The following RFTN1 variants were observed in gnomAD, a reference collection of about 807,000 sequenced individuals.
RFTN1 encodes raftlin.
RFTN1 carries 26 observed loss-of-function variants against 46.5 expected under a neutral mutation model. The observed-to-expected ratio is 0.56, with a 90% CI of 0.41 to 0.78. The LOEUF is 0.78. Ranked by LOEUF, RFTN1 falls within the 30% of genes least tolerant of loss-of-function variation. The pLI is 0.00. For synonymous variants in RFTN1, 261 were observed against 284.2 expected (o/e 0.92, Z 0.82); for missense variants, 693 against 718.7 (o/e 0.96, Z 0.41).
Position 16,429,177 on chromosome 3 carries a change from T to C in RFTN1, c.332+4674A>G, listed in dbSNP as rs546008691. On this transcript the variant is annotated intron_variant, in intron 3 of 9. Transcript: ENST00000334133. This position sits in a 1 kb window ranked among gnomAD's most constrained non-coding sequence, Gnocchi z 6.4. The stretch of plus-strand genomic sequence containing the variant: ...CTAGGCCTGCCATGGTAAAATGAAA[T>C]GGCAGTTATTAGAATTTTCAGAAGA... 6.6e-6 allele frequency among the ~76,000 whole-genome samples: 1 copy of C among 152,222 alleles called. No individual in the cohort carries two copies. The highest frequency in any genetic ancestry group is 1.5e-5 in the Non-Finnish European group (1 of 68,032).
chr3:16,482,880 C>A, intron 2 of RFTN1: 1 of 1,513,272 alleles, frequency 6.6e-7, no homozygotes, highest in Non-Finnish European at 8.9e-7. Flanking sequence ...AGCCTCCCAC[C>A]GGGGTGAGCT....
intron 2 of RFTN1, among the ~76,000 whole-genome samples, chr3:16,493,356 C>T (rs1418358072): frequency 1.3e-5 from 2 of 152,008 alleles, no homozygotes; most frequent in Non-Finnish European, 2.9e-5. Flanking sequence ...CTCAGCCTCC[C>T]GAGTAGCTGG....
At chr3:16,357,657 A>T (rs569078684) in intron 7 of RFTN1, among the ~76,000 whole-genome samples, 51 of 152,330 alleles carry the variant, frequency 3.3e-4, no homozygotes, top group African/African-American at 1.2e-3. Context: ...TGTCAGTTAT[A>T]TGCAAATTAA....
At chr3:16,349,484 T>A (rs1184636796) in intron 7 of RFTN1, 1 of 152,212 alleles carries the variant, frequency 6.6e-6, no homozygotes. Context: ...GCGTGAGGTA[T>A]ACACACATGC....
intron 3 of RFTN1, among the ~76,000 whole-genome samples, chr3:16,423,010 CA>C (rs112956794): frequency 0.079 from 11,866 of 151,124 alleles, 1,122 homozygotes; most frequent in African/African-American, 0.23. Context: ...ACAAAAAATA[CA>C]AAAAAAATTA....
In RFTN1 at chr3:16,513,183, G is replaced by A. The variant is rs1455382972; in HGVS notation, c.-9+259C>T. On this transcript the variant is annotated intron_variant, in intron 1 of 9. Transcript: ENST00000334133. This position sits in a 1 kb window ranked among gnomAD's most constrained non-coding sequence, Gnocchi z 5.4. ...AGTGCCTCTCCCTACATCGCTCCAG[G>A]AATGACTCCCCTACACCCGTTCCCC... The A allele has an allele frequency of 6.6e-6, 1 of 152,632 alleles. No homozygotes were observed. Among genetic ancestry groups the A allele is most frequent in the Non-Finnish European group, 1.5e-5 (1 of 68,430 alleles). The allele number at this position is 152,632 out of a possible 1,614,324, so 9.5% of individuals were successfully genotyped here. A position where few individuals can be genotyped will look rare whatever the true frequency, so the allele number is the denominator to read the frequency against.
rs1283040599 is a variant in RFTN1 at position 16,361,641 on chromosome 3, G to A, written c.1031-3594C>T. Among the ~76,000 whole-genome samples, 2 of 152,312 alleles carry A rather than the reference G, an allele frequency of 1.3e-5. No individual in the cohort carries two copies. Among genetic ancestry groups the A allele is most frequent in the Non-Finnish European group, 2.9e-5 (2 of 68,030 alleles). ...TGAACGAAGGACAGCCAAGGACCAG[G>A]TGAGCAGCAGAATCAGGAGAGAAGG... On this transcript the variant is annotated intron_variant, in intron 6 of 9. Coordinates refer to ENST00000334133, the MANE Select transcript of RFTN1 (RefSeq NM_015150.2). This position sits in a 1 kb window ranked among gnomAD's most constrained non-coding sequence, Gnocchi z 4.3.
chr3:16,448,627 T>G lies in RFTN1; in HGVS notation c.146-14590A>C, dbSNP rs2075774237. Among the ~76,000 whole-genome samples the G allele has an allele frequency of 6.6e-6, 1 of 152,232 alleles. No individual in the cohort carries two copies. The highest frequency in any genetic ancestry group is 6.5e-5 in the Admixed American group (1 of 15,282). ...GTACAACTTTTTACTGCCTTCATGT[T>G]TGATGGTTTGCTCCCTGTGTCCCTT... On this transcript the variant is annotated intron_variant, in intron 2 of 9. Coordinates refer to ENST00000334133, the MANE Select transcript of RFTN1 (RefSeq NM_015150.2). The surrounding 1 kb of genome is among the most constrained non-coding windows in gnomAD (Gnocchi z 4.1).
In RFTN1 at chr3:16,481,138, G is replaced by GAATGTA. The variant is rs1436556181; in HGVS notation, c.145+12581_145+12586dup. Among the ~76,000 whole-genome samples the GAATGTA allele has an allele frequency of 6.6e-6, 1 of 152,110 alleles. No homozygotes were observed. Among genetic ancestry groups the GAATGTA allele is most frequent in the Non-Finnish European group, 1.5e-5 (1 of 68,032 alleles). ...TTTACATTCAGAAAGGAATGCAAAG[G>GAATGTA]AATGTAAAGAATGCCTTCCTTCCTT... On this transcript the variant is annotated intron_variant, in intron 2 of 9. Coordinates refer to ENST00000334133, the MANE Select transcript of RFTN1 (RefSeq NM_015150.2). The surrounding 1 kb of genome is among the most constrained non-coding windows in gnomAD (Gnocchi z 5.1).
chr3:16,391,107 C>T (rs569793805), intron 4 of RFTN1, among the ~76,000 whole-genome samples: 24 of 152,202 alleles, frequency 1.6e-4, no homozygotes, highest in African/African-American at 5.3e-4. Context: ...CACTAGTACC[C>T]CAATGAATAA....
At chr3:16,375,981 A>C (rs1209634336) in intron 5 of RFTN1, among the ~76,000 whole-genome samples, 1 of 152,168 alleles carries the variant, frequency 6.6e-6, no homozygotes, top group Non-Finnish European at 1.5e-5. Flanking sequence ...GCACCTGCGG[A>C]AGTTCCTTGG....
chr3:16,326,032 T>C (rs1055663154), intron 8 of RFTN1, among the ~76,000 whole-genome samples: 1 of 152,194 alleles, frequency 6.6e-6, no homozygotes, highest in African/African-American at 2.4e-5. Flanking sequence ...TAGCCTTAAG[T>C]ATGTGACCAA....
In RFTN1 at chr3:16,480,983, G is replaced by GCACA. The variant is rs1386638438; in HGVS notation, c.145+12738_145+12741dup. ...GCTTGGGTTACACACATATGCACAT[G>GCACA]CACACACACACACAGACACACACAC... On this transcript the variant is annotated intron_variant, in intron 2 of 9. Coordinates refer to ENST00000334133, the MANE Select transcript of RFTN1 (RefSeq NM_015150.2). This position sits in a 1 kb window ranked among gnomAD's most constrained non-coding sequence, Gnocchi z 4.3. Among the ~76,000 whole-genome samples the GCACA allele has an allele frequency of 9.7e-5, 12 of 123,686 alleles. No individual in the cohort carries two copies. The highest frequency in any genetic ancestry group is 2.3e-4 in the East Asian group (1 of 4,402). The allele number at this position is 123,686 out of a possible 152,430, so 81.1% of individuals were successfully genotyped here. A position where few individuals can be genotyped will look rare whatever the true frequency, so the allele number is the denominator to read the frequency against.
At position 16,483,646 on chromosome 3, in the gene RFTN1, G is replaced by C. The variant is rs775011492; in HGVS notation, c.145+10079C>G. Among the ~76,000 whole-genome samples the C allele has an allele frequency of 1.1e-4, 17 of 152,066 alleles. No homozygotes were observed. The highest frequency in any genetic ancestry group is 1.9e-4 in the Non-Finnish European group (13 of 68,026). ...ATATATTCCAAGTCACCTAAAGAAAGTAAGTTATGATTTGGTCATAATACA... is the reference window on the plus strand; with the variant it reads ...ATATATTCCAAGTCACCTAAAGAAACTAAGTTATGATTTGGTCATAATACA... On this transcript the variant is annotated intron_variant, in intron 2 of 9. Coordinates refer to ENST00000334133, the MANE Select transcript of RFTN1 (RefSeq NM_015150.2). This position sits in a 1 kb window ranked among gnomAD's most constrained non-coding sequence, Gnocchi z 4.8.
chr3:16,335,749 A>G lies in RFTN1; in HGVS notation c.1147-8873T>C, dbSNP rs2070780434. Among the ~76,000 whole-genome samples, 1 of 150,984 alleles carries G rather than the reference A, an allele frequency of 6.6e-6. No individual in the cohort carries two copies. Among genetic ancestry groups the G allele is most frequent in the African/African-American group, 2.4e-5 (1 of 40,818 alleles). ...ACGTTTACCTATGTAACAAGCCTGC[A>G]TATCCTGCACTTGCACCCTGGAACT... On this transcript the variant is annotated intron_variant, in intron 7 of 9. Coordinates refer to ENST00000334133, the MANE Select transcript of RFTN1 (RefSeq NM_015150.2). The surrounding 1 kb of genome is among the most constrained non-coding windows in gnomAD (Gnocchi z 4.7).
intron 1 of RFTN1, among the ~76,000 whole-genome samples, chr3:16,501,045 G>C (rs1182455130): frequency 6.6e-6 from 1 of 152,188 alleles, no homozygotes; most frequent in Non-Finnish European, 1.5e-5. Flanking sequence ...GCCGAGGTGA[G>C]AGAGTCTTTT....
rs2075960150 is a variant in RFTN1, at chr3:16,458,879, A to T, written c.146-24842T>A. On this transcript the variant is annotated intron_variant, in intron 2 of 9. Coordinates refer to ENST00000334133, the MANE Select transcript of RFTN1 (RefSeq NM_015150.2). This position sits in a 1 kb window ranked among gnomAD's most constrained non-coding sequence, Gnocchi z 5.1. ...AAAATCAGGGGAGTCATCTGAAAAC[A>T]TGGTGCTTAGCTTCACGAATTCCCT... Among the ~76,000 whole-genome samples the T allele has an allele frequency of 6.6e-6, 1 of 152,188 alleles. No homozygotes were observed. Among genetic ancestry groups the T allele is most frequent in the Non-Finnish European group, 1.5e-5 (1 of 68,038 alleles).
In RFTN1 at chr3:16,317,035, G is replaced by A. The variant is rs771592793; in HGVS notation, c.1530C>T (p.Gly510=). The A allele has an allele frequency of 1.4e-5, 22 of 1,613,744 alleles. No individual in the cohort carries two copies. Among genetic ancestry groups the A allele is most frequent in the South Asian group, 1.3e-4 (12 of 91,064 alleles). The change falls in exon 10 of 10, where the codon GGC becomes GGT. Residue 510 remains glycine (G), a synonymous_variant. Coordinates refer to ENST00000334133, the MANE Select transcript of RFTN1 (RefSeq NM_015150.2). This position sits in a 1 kb window ranked among gnomAD's most constrained non-coding sequence, Gnocchi z 4.3. ...QEGGVSEEMK[G]PVQEDKGEQL... ...GTTCTCCCTTGTCCTCTTGGACAGGGCCCTTCATCTCCTCGGAGACTCCAC... is the reference window on the plus strand; with the variant it reads ...GTTCTCCCTTGTCCTCTTGGACAGGACCCTTCATCTCCTCGGAGACTCCAC...
At chr3:16,438,879 T>C (rs1222825067) in intron 2 of RFTN1, among the ~76,000 whole-genome samples, 1 of 152,174 alleles carries the variant, frequency 6.6e-6, no homozygotes, top group African/African-American at 2.4e-5. Flanking sequence ...CATGAAATCC[T>C]TCCCCATTCC....
Sources: gnomAD v4.1 joint callset for allele counts (sites outside exome capture counted in the v4.1 genomes callset) on GRCh38, gnomAD v4.1.1 for gene constraint, Gnocchi (gnomAD v3.1) non-coding constraint, MANE v1.5 for transcripts, NCBI Gene and HGNC (gene_info 2026-07-23, HGNC 2026-07-21) for gene names.